The following TRIM9 variants were observed in gnomAD, a reference collection of about 807,000 sequenced individuals.
TRIM9 encodes the protein tripartite motif containing 9, also known as E3 ubiquitin-protein ligase TRIM9.
In TRIM9, 26 loss-of-function variants were observed where a neutral mutation model predicts 78.3. The ratio of observed to expected loss-of-function variants is 0.33; its 90% CI spans 0.24 to 0.46. The LOEUF (loss-of-function observed/expected upper bound fraction) is 0.46, where lower values mean the gene tolerates loss of function less well. Among genes scored for constraint, TRIM9 ranks in the 20% least tolerant of loss-of-function variants. The probability of loss-of-function intolerance (pLI) is 1.00; values close to 1 mark genes in which losing one functional copy is unlikely to be tolerated. For synonymous variants in TRIM9, 398 were observed against 416.5 expected (o/e 0.96, Z 0.54); for missense variants, 787 against 1,036.4 (o/e 0.76, Z 3.30).
At chr14:51,033,591 T>A (rs1036789875) in intron 1 of TRIM9, among the ~76,000 whole-genome samples, 1 of 152,196 alleles carries the variant, frequency 6.6e-6, no homozygotes, top group African/African-American at 2.4e-5. Flanking sequence ...AGATGGAGCA[T>A]GTGTCCCTAC....
chr14:50,999,183 G>A (rs542209916), intron 6 of TRIM9, among the ~76,000 whole-genome samples: 66 of 152,144 alleles, frequency 4.3e-4, no homozygotes, highest in African/African-American at 1.5e-3. Flanking sequence ...GCACTTTTGA[G>A]TAGAGGAAAA....
chr14:51,015,851 G>C (rs937086875), intron 3 of TRIM9, among the ~76,000 whole-genome samples: 17 of 152,062 alleles, frequency 1.1e-4, no homozygotes, highest in Middle Eastern at 3.2e-3. Context: ...GTTTTGATGG[G>C]ATATCACTAA....
intron 1 of TRIM9, among the ~76,000 whole-genome samples, chr14:51,060,530 G>A (rs773512455): frequency 1.3e-5 from 2 of 151,870 alleles, no homozygotes; most frequent in East Asian, 1.9e-4. Context: ...GCAGTGGCAC[G>A]ATCTCGGCTG....
At chr14:50,978,610 C>T (rs1490728604) in intron 12 of TRIM9, among the ~76,000 whole-genome samples, 1 of 152,220 alleles carries the variant, frequency 6.6e-6, no homozygotes, top group African/African-American at 2.4e-5. Context: ...CCCTTCCCAA[C>T]CACACCACTC....
chr14:51,063,781 A>G (rs1446975726), intron 1 of TRIM9, among the ~76,000 whole-genome samples: 1 of 152,178 alleles, frequency 6.6e-6, no homozygotes, highest in Non-Finnish European at 1.5e-5. Flanking sequence ...ATTTTTAGAT[A>G]AATAGAAGCT....
chr14:51,003,657 G>A (rs1181361122), intron 5 of TRIM9, among the ~76,000 whole-genome samples: 2 of 151,616 alleles, frequency 1.3e-5, no homozygotes, highest in African/African-American at 4.8e-5. Context: ...AAAAAAAAAA[G>A]GCTAGACTCT....
chr14:51,019,285 CA>C (rs2057519464), intron 3 of TRIM9, among the ~76,000 whole-genome samples: 1 of 152,194 alleles, frequency 6.6e-6, no homozygotes, highest in South Asian at 2.1e-4. Flanking sequence ...ATTGGAAGCT[CA>C]AAAACACTTC....
rs1022202018 is a variant in TRIM9 at position 50,982,238 on chromosome 14, G to A, written c.1859-135C>T. On this transcript the variant is annotated intron_variant, in intron 10 of 12. Transcript: ENST00000684578. Reference sequence around the variant, plus strand: ...TGCAGGAAGGAGGCGTCCAGGGCCAGGGCAGACAGGGGCACGTCCTGGGAG... The same window carrying A: ...TGCAGGAAGGAGGCGTCCAGGGCCAAGGCAGACAGGGGCACGTCCTGGGAG... 9 of 909,912 alleles carry A rather than the reference G, an allele frequency of 9.9e-6. No individual in the cohort carries two copies. The African/African-American group carries it at 1.3e-4, about 13-fold the overall frequency. The allele number at this position is 909,912 out of a possible 1,614,324, so 56.4% of individuals were successfully genotyped here. A position where few individuals can be genotyped will look rare whatever the true frequency, so the allele number is the denominator to read the frequency against.
chr14:51,025,220 C>T (rs755384956), intron 2 of TRIM9, 45 bp downstream of exon 2: 60 of 1,511,644 alleles, frequency 4.0e-5, no homozygotes, highest in Non-Finnish European at 4.2e-5. Flanking sequence ...CACACAGTTA[C>T]GTATTAACCG....
At chr14:51,050,117 T>A (rs187043390) in intron 1 of TRIM9, among the ~76,000 whole-genome samples, 1 of 152,340 alleles carries the variant, frequency 6.6e-6, no homozygotes, top group Non-Finnish European at 1.5e-5. Context: ...AATCACCATA[T>A]GGCCATAGGA....
At chr14:51,022,067 A>G (rs2057807559) in intron 3 of TRIM9, among the ~76,000 whole-genome samples, 2 of 151,968 alleles carry the variant, frequency 1.3e-5, no homozygotes, top group South Asian at 4.1e-4. Flanking sequence ...CTCTTTTCCT[A>G]CTTTTAGAAT....
chr14:51,090,672 C>A (rs1339793189), intron 1 of TRIM9: 1 of 152,298 alleles, frequency 6.6e-6, no homozygotes, highest in African/African-American at 2.4e-5. Context: ...TCCTGGCTCA[C>A]TGCAACCTCT....
chr14:51,066,810 A>G (rs2061782098), intron 1 of TRIM9, among the ~76,000 whole-genome samples: 1 of 152,216 alleles, frequency 6.6e-6, no homozygotes, highest in African/African-American at 2.4e-5. Context: ...ATTTGGACAC[A>G]GTTTGAACAG....
At chr14:51,045,633 T>C (rs2059894879) in intron 1 of TRIM9, among the ~76,000 whole-genome samples, 1 of 152,226 alleles carries the variant, frequency 6.6e-6, no homozygotes, top group Non-Finnish European at 1.5e-5. Context: ...GTCATTATTG[T>C]GGCATTGTTT....
At chr14:51,028,586 T>C (rs1566594448) in intron 1 of TRIM9, among the ~76,000 whole-genome samples, 1 of 152,256 alleles carries the variant, frequency 6.6e-6, no homozygotes, top group Non-Finnish European at 1.5e-5. Flanking sequence ...ATGTAGTATG[T>C]GTTTTCATCA....
intron 8 of TRIM9, among the ~76,000 whole-genome samples, chr14:50,983,697 C>T (rs1465640242): frequency 6.6e-6 from 1 of 152,170 alleles, no homozygotes; most frequent in East Asian, 1.9e-4. Context: ...TCAATCTTTT[C>T]CTCTAAAGTT....
At chr14:50,997,877 C>T in intron 7 of TRIM9, 173 bp downstream of exon 7, 1 of 1,438,938 alleles carries the variant, frequency 6.9e-7, no homozygotes, top group Non-Finnish European at 9.1e-7. Flanking sequence ...ATCACATCCA[C>T]ATACCATAGG....
chr14:50,977,515 A>G lies in TRIM9; in HGVS notation c.2326-162T>C, dbSNP rs116190933. Among the ~76,000 whole-genome samples, 1,026 of 152,318 alleles carry G rather than the reference A, an allele frequency of 6.7e-3. 16 individuals are homozygous for G. Among genetic ancestry groups the G allele is most frequent in the African/African-American group, 0.024 (990 of 41,568 alleles). ...ACGGAATTCAAGAAGAATCCTGCCT[A>G]TGGTAACAGGCTGCTCACCATGGTG... On this transcript the variant is annotated intron_variant, in intron 12 of 12. Coordinates refer to ENST00000684578, the MANE Select transcript of TRIM9 (RefSeq NM_001387360.1).
intron 1 of TRIM9, among the ~76,000 whole-genome samples, chr14:51,072,554 T>C (rs898959602): frequency 4.0e-5 from 6 of 151,662 alleles, no homozygotes; most frequent in East Asian, 1.9e-4. Flanking sequence ...ATTGAGAAAA[T>C]GGAAAGGAAA....
Sources: gnomAD v4.1 joint callset for allele counts (sites outside exome capture counted in the v4.1 genomes callset) on GRCh38, gnomAD v4.1.1 for gene constraint, MANE v1.5 for transcripts, NCBI Gene and HGNC (gene_info 2026-07-23, HGNC 2026-07-21) for gene names.